SORCS2: variants seen among roughly 807,000 people sequenced by gnomAD.
SORCS2 encodes the protein sortilin related VPS10 domain containing receptor 2.
In SORCS2, 100 loss-of-function variants were observed where a neutral mutation model predicts 141.6. The observed-to-expected ratio is 0.71, with a 90% CI of 0.60 to 0.83. The LOEUF is 0.83. Among genes scored for constraint, SORCS2 ranks in the 40% least tolerant of loss-of-function variants. The pLI is 0.00. For missense variants in SORCS2, 1,646 were observed against 1,560.2 expected (o/e 1.05, Z -0.93); for synonymous variants, 789 against 676.9 (o/e 1.17, Z -2.57).
At chr4:7,492,520 G>C (rs1731378516) in intron 2 of SORCS2, among the ~76,000 whole-genome samples, 1 of 152,182 alleles carries the variant, frequency 6.6e-6, no homozygotes, top group Non-Finnish European at 1.5e-5. Context: ...AGGAGTACAG[G>C]GACCTCTTCC....
At chr4:7,220,910 G>A (rs570842832) in intron 1 of SORCS2, among the ~76,000 whole-genome samples, 1 of 152,292 alleles carries the variant, frequency 6.6e-6, no homozygotes, top group Admixed American at 6.5e-5. Flanking sequence ...GATTAATTAA[G>A]CAGCACCCAC....
intron 2 of SORCS2, among the ~76,000 whole-genome samples, chr4:7,491,904 G>C (rs1273420003): frequency 6.6e-6 from 1 of 152,182 alleles, no homozygotes; most frequent in Non-Finnish European, 1.5e-5. Context: ...CAGACAGCAG[G>C]GGCTGCCTGG....
chr4:7,533,192 C>G (rs7683894), intron 3 of SORCS2, among the ~76,000 whole-genome samples: 30,707 of 152,110 alleles, frequency 0.2, 3,489 homozygotes, highest in African/African-American at 0.3. Context: ...CCAGCTTCAC[C>G]GAGCCCAAAG....
intron 3 of SORCS2, among the ~76,000 whole-genome samples, chr4:7,546,809 T>C (rs1340342046): frequency 6.6e-6 from 1 of 152,242 alleles, no homozygotes; most frequent in East Asian, 1.9e-4. Context: ...GTGCTTGCCG[T>C]AGCCAGAATT....
At chr4:7,446,002 TTTTC>T (rs756994195) in intron 2 of SORCS2, among the ~76,000 whole-genome samples, 1 of 43,814 alleles carries the variant, frequency 2.3e-5, no homozygotes, top group Non-Finnish European at 7.2e-5. Context: ...TTCCTTTGTC[TTTTC>T]TTTTTTTTCC....
At chr4:7,516,534 G>A (rs755934544) in intron 2 of SORCS2, among the ~76,000 whole-genome samples, 5 of 152,128 alleles carry the variant, frequency 3.3e-5, no homozygotes, top group South Asian at 4.2e-4. Flanking sequence ...GATTTTATCC[G>A]CTTGCAAAAC....
intron 1 of SORCS2, among the ~76,000 whole-genome samples, chr4:7,302,786 TGTGCGC>T (rs1417793854): frequency 6.6e-6 from 1 of 151,142 alleles, no homozygotes; most frequent in African/African-American, 2.4e-5. Context: ...TGTGTGTGTG[TGTGCGC>T]GCGCGTGTGT....
At chr4:7,421,655 C>G (rs1458964884) in intron 2 of SORCS2, among the ~76,000 whole-genome samples, 5 of 152,198 alleles carry the variant, frequency 3.3e-5, no homozygotes, top group African/African-American at 1.2e-4. Context: ...AGCCTGGCCT[C>G]CCTCTCCAGT....
intron 1 of SORCS2, among the ~76,000 whole-genome samples, chr4:7,361,823 A>C (rs2109024740): frequency 6.7e-6 from 1 of 148,936 alleles, no homozygotes; most frequent in Admixed American, 6.7e-5. Flanking sequence ...AGGCTAAAGC[A>C]GCCTCCAGGG....
chr4:7,434,026 T>A (rs1218070401), intron 2 of SORCS2: 1 of 1,611,628 alleles, frequency 6.2e-7, no homozygotes, highest in Admixed American at 1.7e-5. Context: ...CATCTGCATC[T>A]CGCTCTGTTT....
At chr4:7,223,293 GCGCACA>G (rs1242524117) in intron 1 of SORCS2, among the ~76,000 whole-genome samples, 7 of 75,378 alleles carry the variant, frequency 9.3e-5, no homozygotes, top group East Asian at 3.1e-4. Context: ...TAGTGTATAT[GCGCACA>G]CACACACACA....
Position 7,723,813 on chromosome 4 carries a change from C to T in SORCS2, c.2541C>T (p.Ile847=), listed in dbSNP as rs372596742. 2 of 1,613,692 alleles carry T rather than the reference C, an allele frequency of 1.2e-6. No individual in the cohort carries two copies. Among genetic ancestry groups the T allele is most frequent in the South Asian group, 2.2e-5 (2 of 91,092 alleles). Residue 847 remains isoleucine, a synonymous_variant, in exon 19 of 27, where the codon ATC becomes ATT. Coordinates refer to ENST00000507866, the MANE Select transcript of SORCS2 (RefSeq NM_020777.3). ...GGCACCGCTACGAGAGCCCCGGCAT[C>T]TACCGCGTGTCCGTCAGGGCAGAGA... ...PIRHRYESPG[I]YRVSVRAENT...
intron 14 of SORCS2, among the ~76,000 whole-genome samples, chr4:7,704,681 A>C (rs1725303535): frequency 6.6e-6 from 1 of 152,162 alleles, no homozygotes; most frequent in African/African-American, 2.4e-5. Context: ...AGCTTGGGCC[A>C]AAAAAGGCAC....
intron 2 of SORCS2, among the ~76,000 whole-genome samples, chr4:7,397,527 G>A (rs942896233): frequency 4.6e-5 from 7 of 152,124 alleles, no homozygotes; most frequent in Admixed American, 2.0e-4. Flanking sequence ...ACCAGAAAAC[G>A]GGGGGTGAGT....
intron 3 of SORCS2, among the ~76,000 whole-genome samples, chr4:7,539,111 C>T (rs1024512956): frequency 6.6e-6 from 1 of 152,192 alleles, no homozygotes; most frequent in East Asian, 1.9e-4. Context: ...GGACGCGCCC[C>T]AGGTCTAAGG....
chr4:7,634,185 C>G (rs1720079201), intron 3 of SORCS2, among the ~76,000 whole-genome samples: 1 of 151,928 alleles, frequency 6.6e-6, no homozygotes, highest in African/African-American at 2.4e-5. Flanking sequence ...ACCAGTCTGG[C>G]CAACATGGTG....
At chr4:7,539,923 C>T (rs192595177) in intron 3 of SORCS2, among the ~76,000 whole-genome samples, 1 of 151,612 alleles carries the variant, frequency 6.6e-6, no homozygotes, top group South Asian at 2.1e-4. Context: ...GAGGCCCCAC[C>T]CCCTTCCTGC....
chr4:7,335,537 C>A (rs1719928782), intron 1 of SORCS2, among the ~76,000 whole-genome samples: 1 of 152,188 alleles, frequency 6.6e-6, no homozygotes, highest in Non-Finnish European at 1.5e-5. Context: ...CGGCCCGAGG[C>A]CTCATCTGTC....
At chr4:7,541,322 C>T (rs1712636563) in intron 3 of SORCS2, among the ~76,000 whole-genome samples, 1 of 152,222 alleles carries the variant, frequency 6.6e-6, no homozygotes, top group African/African-American at 2.4e-5. Flanking sequence ...AGGACCTGGG[C>T]ACATGCTGGG....
Sources: gnomAD v4.1 joint callset for allele counts (sites outside exome capture counted in the v4.1 genomes callset) on GRCh38, gnomAD v4.1.1 for gene constraint, MANE v1.5 for transcripts, NCBI Gene and HGNC (gene_info 2026-07-23, HGNC 2026-07-21) for gene names.